The following CLPTM1L variants were observed in gnomAD, a reference collection of about 807,000 sequenced individuals.
The protein encoded by CLPTM1L is lipid scramblase CLPTM1L.
In CLPTM1L, 38 loss-of-function variants were observed where a neutral mutation model predicts 70.9. The ratio of observed to expected loss-of-function variants is 0.54; its 90% confidence interval spans 0.41 to 0.70. The LOEUF (loss-of-function observed/expected upper bound fraction) is 0.70. Among genes scored for constraint, CLPTM1L ranks in the 30% least tolerant of loss-of-function variants. The pLI is 0.00. For synonymous variants in CLPTM1L, 339 were observed against 299.9 expected (o/e 1.13, Z -1.35); for missense variants, 652 against 705.9 (o/e 0.92, Z 0.87).
Position 1,344,857 on chromosome 5 carries a change from G to C in CLPTM1L, c.-16C>G, listed in dbSNP as rs760209368. ...CGCTCCACATGGCGGCCCCGCGCCCGGCGCCCCCGGCCCGCCCGCCTCTCA... is the reference window on the plus strand; with the variant it reads ...CGCTCCACATGGCGGCCCCGCGCCCCGCGCCCCCGGCCCGCCCGCCTCTCA... On this transcript the variant is annotated 5_prime_UTR_variant, in exon 1 of 17. Transcript: ENST00000320895. 14 of 1,437,718 alleles carry C rather than the reference G, an allele frequency of 9.7e-6. No homozygotes were observed. The highest frequency in any genetic ancestry group is 1.1e-5 in the Non-Finnish European group (12 of 1,090,840). 89.1% of individuals were successfully genotyped at this position (1,437,718 alleles called of 1,614,324 possible).
Position 1,330,284 on chromosome 5 carries a change from A to G in CLPTM1L, c.1076T>C (p.Ile359Thr), listed in dbSNP as rs1447730262. Reference sequence around the variant, plus strand: ...AGGTCACTGCCCGGAACTCACCTCAATGGCGGCTCCAACACCCGCCGGGAC... The same window carrying G: ...AGGTCACTGCCCGGAACTCACCTCAGTGGCGGCTCCAACACCCGCCGGGAC... ...VLVPAGVGAA[I>T]ELWKVKKALK... Residue 359 changes from isoleucine to threonine, a missense_variant, in exon 9 of 17, where the codon ATT becomes ACT. Transcript: ENST00000320895. 2 of 1,612,290 alleles carry G rather than the reference A, an allele frequency of 1.2e-6. No homozygotes were observed.
chr5:1,333,335 T>C (rs1442219690), intron 7 of CLPTM1L, among the ~76,000 whole-genome samples: 1 of 100,196 alleles, frequency 1.0e-5, no homozygotes, highest in African/African-American at 4.4e-5. Flanking sequence ...TGAGGGACTA[T>C]TGTATACACA....
chr5:1,323,065 G>C (rs916365762), intron 12 of CLPTM1L, 154 bp from the exon 13 acceptor site: 15 of 773,664 alleles, frequency 1.9e-5, no homozygotes, highest in Non-Finnish European at 2.8e-5. Flanking sequence ...GCTGAGCCTG[G>C]TTCTCAAGCT....
intron 9 of CLPTM1L, 56 bp downstream of exon 9, chr5:1,330,224 T>G (rs922498640): frequency 1.4e-6 from 2 of 1,439,162 alleles, no homozygotes; most frequent in Non-Finnish European, 2.0e-6. Context: ...AAGCCTTTCC[T>G]GAGTGCGTGG....
intron 9 of CLPTM1L, among the ~76,000 whole-genome samples, chr5:1,328,528 A>G (rs1433260970): frequency 3.4e-5 from 5 of 146,204 alleles, no homozygotes; most frequent in African/African-American, 7.7e-5. Context: ...CCTCCTCTGC[A>G]GACACATTTC....
chr5:1,338,059 G>T, intron 4 of CLPTM1L, 77 bp from the exon 5 acceptor site: 3 of 1,239,944 alleles, frequency 2.4e-6, no homozygotes, highest in Non-Finnish European at 3.5e-6. Flanking sequence ...CCAGACACTG[G>T]GTTTACCCCA....
At chr5:1,328,774 C>T (rs1477652058) in intron 9 of CLPTM1L, among the ~76,000 whole-genome samples, 1 of 151,344 alleles carries the variant, frequency 6.6e-6, no homozygotes, top group East Asian at 1.9e-4. Flanking sequence ...ACACTCCATC[C>T]AGATCCTCCT....
At chr5:1,340,718 A>G (rs1262249857) in intron 3 of CLPTM1L, among the ~76,000 whole-genome samples, 1 of 152,188 alleles carries the variant, frequency 6.6e-6, no homozygotes, top group Non-Finnish European at 1.5e-5. Context: ...CAACTCCGAG[A>G]GACCTCTCTT....
intron 7 of CLPTM1L, among the ~76,000 whole-genome samples, chr5:1,333,633 G>T (rs74202968): frequency 0.13 from 12,720 of 101,316 alleles, 8 homozygotes; most frequent in Middle Eastern, 0.24. Context: ...CACCAGATGA[G>T]GATAAGGGGG....
Position 1,325,826 on chromosome 5 carries a change from G to C in CLPTM1L, c.1081-10C>G, listed in dbSNP as rs368365392. On this transcript the variant is annotated splice_polypyrimidine_tract_variant and intron_variant, in intron 9 of 16. Transcript: ENST00000320895. ...TCTTCACTTTCCACAGCTGAGGGGA[G>C]AAATCAGGAAATAGTTCCTTTAATA... 6.2e-7 allele frequency: 1 copy of C among 1,612,376 alleles called. No homozygotes were observed. The highest frequency in any genetic ancestry group is 1.3e-5 in the African/African-American group (1 of 75,002).
intron 8 of CLPTM1L, 62 bp from the exon 9 acceptor site, chr5:1,330,445 G>A: frequency 7.3e-7 from 1 of 1,365,232 alleles, no homozygotes; most frequent in Non-Finnish European, 1.0e-6. Flanking sequence ...TGTTCCCCAA[G>A]TCACACACAT....
chr5:1,322,754 G>A (rs1480212517), intron 13 of CLPTM1L, 123 bp downstream of exon 13: 1 of 979,950 alleles, frequency 1.0e-6, no homozygotes, highest in Non-Finnish European at 1.7e-6. Flanking sequence ...TGCCAGAACA[G>A]GGTGGGGAGG....
At chr5:1,321,849 T>C in intron 13 of CLPTM1L, 30 bp from the exon 14 acceptor site, 13 of 1,604,262 alleles carry the variant, frequency 8.1e-6, no homozygotes, top group Non-Finnish European at 1.1e-5. Flanking sequence ...ACTCACGAGG[T>C]GCGGAGGGCC....
In CLPTM1L at chr5:1,323,870, C is replaced by T. The variant is rs1450049000; in HGVS notation, c.1198-1G>A. 1 of 1,612,602 alleles carries T rather than the reference C, an allele frequency of 6.2e-7. No individual in the cohort carries two copies. The highest frequency in any genetic ancestry group is 8.5e-7 in the Non-Finnish European group (1 of 1,179,070). ...GCAGGTATGACAAGTACTTCATGGC[C>T]TGCAGGGAACAAAGATGGCTTCCAG... On this transcript the variant is annotated splice_acceptor_variant, in intron 11 of 16. Transcript: ENST00000320895. LOFTEE classifies it high-confidence loss of function.
chr5:1,341,158 AG>A, intron 3 of CLPTM1L, among the ~76,000 whole-genome samples: 1 of 152,370 alleles, frequency 6.6e-6, no homozygotes, highest in South Asian at 2.1e-4. Flanking sequence ...TGATCACTTA[AG>A]TGACTTCCAG....
In CLPTM1L at chr5:1,337,981, T is replaced by A. The variant is rs1342462527; in HGVS notation, c.601A>T (p.Ile201Phe). ...TAATGCACGGTTTTCCCCAGCTGGA[T>A]CCTGGGATTAAAGCACAACTTTCCA... Reference protein sequence around the residue: ...PADVHRYMKMIQLGKTVHYLP... With the variant: ...PADVHRYMKMFQLGKTVHYLP... The change falls in exon 5 of 17, where the codon ATC (isoleucine) becomes TTC (phenylalanine). Residue 201 changes from isoleucine (I) to phenylalanine (F), a missense_variant and splice_region_variant. Ile to Phe is a conservative substitution (Grantham distance 21). Coordinates refer to ENST00000320895, the MANE Select transcript of CLPTM1L (RefSeq NM_030782.5). The A allele has an allele frequency of 6.2e-7, 1 of 1,604,330 alleles. No individual in the cohort carries two copies. The highest frequency in any genetic ancestry group is 1.1e-5 in the South Asian group (1 of 88,376).
chr5:1,335,279 C>T, intron 5 of CLPTM1L, 105 bp from the exon 6 acceptor site: 1 of 871,562 alleles, frequency 1.1e-6, no homozygotes, highest in South Asian at 1.5e-5. Context: ...CCTGTGTGGC[C>T]CCAGGTCAGC....
rs767924043 is a variant in CLPTM1L, at chr5:1,344,663, G to A, written c.162+17C>T. 2.6e-6 allele frequency: 4 copies of A among 1,546,364 alleles called. No homozygotes were observed. In the South Asian group the frequency reaches 4.8e-5, roughly 18 times the overall value. ...CCCACCCCAACCCGCCCGGCCCCCG[G>A]CCCCGCGGACGCTCACCTGCAGCTT... is the stretch of plus-strand genomic sequence containing the variant. On this transcript the variant is annotated intron_variant, in intron 1 of 16. Coordinates refer to ENST00000320895, the MANE Select transcript of CLPTM1L (RefSeq NM_030782.5).
intron 9 of CLPTM1L, chr5:1,326,558 A>C (rs368730343): frequency 3.7e-6 from 1 of 269,656 alleles, no homozygotes; most frequent in African/African-American, 2.5e-5. Context: ...TCCTCTAGAC[A>C]CATTCCATCC....
Sources: gnomAD v4.1 joint callset for allele counts (sites outside exome capture counted in the v4.1 genomes callset) on GRCh38, gnomAD v4.1.1 for gene constraint, MANE v1.5 for transcripts, NCBI Gene and HGNC (gene_info 2026-07-23, HGNC 2026-07-21) for gene names.